Variants in PLCB1 observed in about 807,000 individuals in gnomAD.
PLCB1 encodes the protein 1-phosphatidylinositol 4,5-bisphosphate phosphodiesterase beta-1.
PLCB1 carries 46 observed loss-of-function variants against 161.8 expected under a neutral mutation model. That is an observed-to-expected ratio of 0.28 (90% CI 0.22 to 0.36). PLCB1 has a LOEUF of 0.36. Among genes scored for constraint, PLCB1 ranks in the 10% least tolerant of loss-of-function variants. The pLI, the probability that PLCB1 is intolerant of heterozygous loss-of-function variation, is 1.00. For missense variants in PLCB1, 1,016 were observed against 1,472.5 expected, an observed-to-expected ratio of 0.69 and a Z score of 5.07; for synonymous variants, 517 against 503.7, an observed-to-expected ratio of 1.03 and a Z score of -0.35.
intron 9 of PLCB1, among the ~76,000 whole-genome samples, chr20:8,679,738 C>T (rs1990169968): frequency 6.6e-6 from 1 of 152,154 alleles, no homozygotes; most frequent in Non-Finnish European, 1.5e-5. Context: ...ATATGAGTGA[C>T]ATGTCCAATG....
At chr20:8,824,531 T>C (rs558353282) in intron 31 of PLCB1, among the ~76,000 whole-genome samples, 27 of 151,794 alleles carry the variant, frequency 1.8e-4, no homozygotes, top group African/African-American at 6.3e-4. Context: ...TGAGAAAGAG[T>C]GTGTGATAGA....
chr20:8,210,313 C>A (rs6055650), intron 2 of PLCB1, among the ~76,000 whole-genome samples: 3,873 of 152,102 alleles, frequency 0.025, 185 homozygotes, highest in African/African-American at 0.088. Context: ...TAATGGAAGT[C>A]TGTTTTATAG....
chr20:8,668,655 T>C (rs1989872886), intron 9 of PLCB1, among the ~76,000 whole-genome samples: 1 of 152,124 alleles, frequency 6.6e-6, no homozygotes, highest in Admixed American at 6.5e-5. Context: ...GTCAAGGCAG[T>C]CATTCCCAAC....
At position 8,199,430 on chromosome 20, in the gene PLCB1, A is replaced by G. The variant is rs12624519; in HGVS notation, c.177+49059A>G. Among the ~76,000 whole-genome samples, 8 of 152,276 alleles carry G rather than the reference A, an allele frequency of 5.3e-5. No individual in the cohort carries two copies. The East Asian group carries it at 1.3e-3, about 26-fold the overall frequency. ...AACTGCTCCAATTTCAACTTCCACC[A>G]TGAATGTATGAATGTGCCTATTGCC... On this transcript the variant is annotated intron_variant, in intron 2 of 31. Coordinates refer to ENST00000338037, the MANE Select transcript of PLCB1 (RefSeq NM_015192.4).
intron 3 of PLCB1, among the ~76,000 whole-genome samples, chr20:8,538,907 C>A (rs1248930817): frequency 6.6e-6 from 1 of 151,700 alleles, no homozygotes; most frequent in Non-Finnish European, 1.5e-5. Flanking sequence ...GGTTCTCCTG[C>A]CTCAGCCTTC....
chr20:8,649,675 A>G (rs756570284), intron 7 of PLCB1: 34 of 538,306 alleles, frequency 6.3e-5, no homozygotes, highest in East Asian at 3.5e-4. Context: ...CCCCCTCACC[A>G]TCTGATTCCC....
At chr20:8,724,285 A>G (rs1488519783) in intron 15 of PLCB1, among the ~76,000 whole-genome samples, 1 of 152,122 alleles carries the variant, frequency 6.6e-6, no homozygotes, top group Non-Finnish European at 1.5e-5. Context: ...GATGAGCTAT[A>G]GCTCAGTGCT....
At chr20:8,553,710 C>G (rs568326613) in intron 3 of PLCB1, among the ~76,000 whole-genome samples, 1 of 152,118 alleles carries the variant, frequency 6.6e-6, no homozygotes, top group East Asian at 1.9e-4. Flanking sequence ...CTTAATAAAA[C>G]TGCTGTTTAG....
At chr20:8,625,119 A>G (rs962582558) in intron 3 of PLCB1, 4 of 152,208 alleles carry the variant, frequency 2.6e-5, no homozygotes, top group African/African-American at 9.6e-5. Flanking sequence ...TTTCTGAAAC[A>G]CAGCCACCCA....
At chr20:8,508,724 TGC>T (rs1983749879) in intron 3 of PLCB1, among the ~76,000 whole-genome samples, 1 of 152,120 alleles carries the variant, frequency 6.6e-6, no homozygotes, top group Admixed American at 6.6e-5. Flanking sequence ...CCACGTAGAA[TGC>T]AATGATTATT....
intron 31 of PLCB1, among the ~76,000 whole-genome samples, chr20:8,868,644 C>G (rs1275192722): frequency 6.6e-5 from 10 of 151,884 alleles, no homozygotes; most frequent in Non-Finnish European, 1.5e-4. Flanking sequence ...CTTATGTATT[C>G]ATTTTGAGAC....
rs571305140 is a variant in PLCB1 at position 8,847,816 on chromosome 20, C to T, written c.3424-33806C>T. 4.6e-5 allele frequency among the ~76,000 whole-genome samples: 7 copies of T among 152,346 alleles called. No individual in the cohort carries two copies. The East Asian group carries it at 1.4e-3, about 29-fold the overall frequency. On this transcript the variant is annotated intron_variant, in intron 31 of 31. Transcript: ENST00000338037. Reference sequence around the variant, plus strand: ...GTTTATCAAGAAGGATACAGATCAACAGCCAGATGAAGAGGTATATAGGGT... The same window carrying T: ...GTTTATCAAGAAGGATACAGATCAATAGCCAGATGAAGAGGTATATAGGGT...
chr20:8,496,604 G>A (rs1053366514), intron 3 of PLCB1, among the ~76,000 whole-genome samples: 10 of 152,192 alleles, frequency 6.6e-5, no homozygotes, highest in African/African-American at 2.2e-4. Context: ...AGATTCACAG[G>A]CCATACTTTA....
intron 3 of PLCB1, among the ~76,000 whole-genome samples, chr20:8,385,726 G>A (rs1987408154): frequency 1.3e-5 from 2 of 152,220 alleles, no homozygotes; most frequent in Admixed American, 6.5e-5. Context: ...TGGGTAGCAC[G>A]CTCACTCGCT....
At chr20:8,630,733 T>A (rs1988559730) in intron 4 of PLCB1, among the ~76,000 whole-genome samples, 1 of 152,224 alleles carries the variant, frequency 6.6e-6, no homozygotes, top group Non-Finnish European at 1.5e-5. Flanking sequence ...TAAATCTCAA[T>A]TAAAAACATG....
At chr20:8,526,384 A>G (rs1339845878) in intron 3 of PLCB1, among the ~76,000 whole-genome samples, 1 of 152,018 alleles carries the variant, frequency 6.6e-6, no homozygotes, top group Non-Finnish European at 1.5e-5. Flanking sequence ...ATTTTTACCT[A>G]GCTTTTAACT....
intron 2 of PLCB1, among the ~76,000 whole-genome samples, chr20:8,229,336 C>G (rs569820116): frequency 6.6e-6 from 1 of 152,020 alleles, no homozygotes; most frequent in Non-Finnish European, 1.5e-5. Flanking sequence ...AAATTGCTCT[C>G]TCAACTTGCT....
In PLCB1 at chr20:8,774,569, A is replaced by G. The variant is rs1380354498; in HGVS notation, c.2961A>G (p.Ser987=). The change falls in exon 27 of 32, where the codon TCA becomes TCG. Residue 987 remains serine (S), a synonymous_variant. Coordinates refer to ENST00000338037, the MANE Select transcript of PLCB1 (RefSeq NM_015192.4). Reference sequence around the variant, plus strand: ...AACCCAGCAGCCCTGATCATGGTTCATCAACGATTGAGCAAGACCTCGCTG... The same window carrying G: ...AACCCAGCAGCCCTGATCATGGTTCGTCAACGATTGAGCAAGACCTCGCTG... The part of the protein sequence containing the change: ...KSEPSSPDHG[S]STIEQDLAAL... The G allele has an allele frequency of 1.2e-6, 2 of 1,613,514 alleles. No individual in the cohort carries two copies. The highest frequency in any genetic ancestry group is 1.7e-6 in the Non-Finnish European group (2 of 1,179,650).
At chr20:8,587,884 G>A (rs1337197190) in intron 3 of PLCB1, among the ~76,000 whole-genome samples, 1 of 152,156 alleles carries the variant, frequency 6.6e-6, no homozygotes, top group Admixed American at 6.5e-5. Context: ...GTACATAACT[G>A]TAAAATAGAA....
Sources: gnomAD v4.1 joint callset for allele counts (sites outside exome capture counted in the v4.1 genomes callset) on GRCh38, gnomAD v4.1.1 for gene constraint, MANE v1.5 for transcripts, NCBI Gene and HGNC (gene_info 2026-07-23, HGNC 2026-07-21) for gene names.